The following SPINK8 variants were observed in gnomAD, a reference collection of about 807,000 sequenced individuals.
The protein encoded by SPINK8 is serine protease inhibitor Kazal-type 8.
SPINK8 carries 12 observed loss-of-function variants against 14.4 expected under a neutral mutation model. The observed-to-expected ratio is 0.83, with a 90% CI of 0.53 to 1.35. The LOEUF is 1.35. SPINK8 is among the 40% of genes most tolerant of loss of function. SPINK8 has a pLI of 0.00. For missense variants in SPINK8, 103 were observed against 117.0 expected (o/e 0.88, Z 0.55); for synonymous variants, 32 against 37.6 (o/e 0.85, Z 0.55).
intron 4 of SPINK8, among the ~76,000 whole-genome samples, chr3:48,322,017 C>T (rs776212027): frequency 1.3e-5 from 2 of 152,026 alleles, no homozygotes; most frequent in East Asian, 1.9e-4. Flanking sequence ...GGTCTCACTA[C>T]GTTGTACAGG....
At chr3:48,327,150 G>C (rs2036157547) in intron 4 of SPINK8, among the ~76,000 whole-genome samples, 1 of 152,220 alleles carries the variant, frequency 6.6e-6, no homozygotes, top group Non-Finnish European at 1.5e-5. Context: ...ACTAAGATAA[G>C]ATTTGCACTA....
At chr3:48,313,775 G>A (rs558555293) in intron 6 of SPINK8, among the ~76,000 whole-genome samples, 1 of 152,260 alleles carries the variant, frequency 6.6e-6, no homozygotes, top group South Asian at 2.1e-4. Flanking sequence ...AAACTATTCA[G>A]TAATACAAAA....
chr3:48,331,777 C>A (rs2036266526), intron 2 of SPINK8, among the ~76,000 whole-genome samples: 1 of 152,192 alleles, frequency 6.6e-6, no homozygotes, highest in African/African-American at 2.4e-5. Flanking sequence ...CTAGTGACTG[C>A]CTGTCCTAGG....
chr3:48,310,560 C>T (rs375901438), intron 6 of SPINK8, among the ~76,000 whole-genome samples: 134 of 140,218 alleles, frequency 9.6e-4, no homozygotes, highest in African/African-American at 3.1e-3. Context: ...TGCAGTGGCA[C>T]GATCTCAGCT....
intron 4 of SPINK8, 26 bp downstream of exon 4, chr3:48,328,249 G>A (rs781394355): frequency 1.3e-6 from 2 of 1,587,090 alleles, no homozygotes; most frequent in Non-Finnish European, 1.7e-6. Context: ...CAGAAAATGT[G>A]GGCAGAGCAA....
intron 7 of SPINK8, among the ~76,000 whole-genome samples, chr3:48,307,880 C>A (rs2035870469): frequency 6.7e-6 from 1 of 148,598 alleles, no homozygotes; most frequent in Non-Finnish European, 1.5e-5. Flanking sequence ...ACTACCTATA[C>A]ATAAGAATAA....
At chr3:48,332,075 C>G (rs1184054207) in intron 2 of SPINK8, among the ~76,000 whole-genome samples, 1 of 152,184 alleles carries the variant, frequency 6.6e-6, no homozygotes, top group African/African-American at 2.4e-5. Flanking sequence ...TGGCTTATTT[C>G]TATTCGGACA....
At chr3:48,317,801 C>T (rs1237730493) in intron 6 of SPINK8, among the ~76,000 whole-genome samples, 1 of 152,184 alleles carries the variant, frequency 6.6e-6, no homozygotes, top group Non-Finnish European at 1.5e-5. Flanking sequence ...GGCTAGAGTG[C>T]AGTGGCACGA....
chr3:48,320,130 C>CA lies in SPINK8; in HGVS notation c.118-513dup, dbSNP rs879883714. 6.3e-3 allele frequency among the ~76,000 whole-genome samples: 712 copies of CA among 113,286 alleles called. 4 individuals are homozygous for CA. The highest frequency in any genetic ancestry group is 0.022 in the Middle Eastern group (4 of 184). The allele number at this position is 113,286 out of a possible 152,430, so 74.3% of individuals were successfully genotyped here. On this transcript the variant is annotated intron_variant, in intron 5 of 7. Transcript: ENST00000434006. Reference sequence around the variant, plus strand: ...GGGCGACAGAGCAAGACTCCGTCTCCAAAAAAAAAAAAAGATAAAAATCCC... The same window carrying CA: ...GGGCGACAGAGCAAGACTCCGTCTCCAAAAAAAAAAAAAAGATAAAAATCCC...
rs1469727277 is a variant in SPINK8, at chr3:48,306,883, G to C, written c.*109C>G. ...ATTTATTGAAGACATAAATCAACGA[G>C]TTTGATCCAACCATTAGTAATTAAA... On this transcript the variant is annotated 3_prime_UTR_variant, in exon 8 of 8. Transcript: ENST00000434006. 2 of 1,157,668 alleles carry C rather than the reference G, an allele frequency of 1.7e-6. No individual in the cohort carries two copies. The highest frequency in any genetic ancestry group is 1.5e-5 in the African/African-American group (1 of 65,000). The allele number at this position is 1,157,668 out of a possible 1,614,324, so 71.7% of individuals were successfully genotyped here.
intron 4 of SPINK8, among the ~76,000 whole-genome samples, chr3:48,321,647 C>T (rs1021859587): frequency 3.8e-4 from 58 of 151,746 alleles, no homozygotes; most frequent in Non-Finnish European, 7.9e-4. Context: ...AACCCTGTCT[C>T]TACTAAAAAT....
At chr3:48,331,700 C>G (rs1370713980) in intron 2 of SPINK8, among the ~76,000 whole-genome samples, 2 of 152,124 alleles carry the variant, frequency 1.3e-5, no homozygotes, top group African/African-American at 4.8e-5. Flanking sequence ...GGCTTTCAGG[C>G]ATAATTAGAA....
intron 4 of SPINK8, among the ~76,000 whole-genome samples, chr3:48,323,931 C>CT (rs34730457): frequency 0.24 from 33,156 of 139,058 alleles, 4,355 homozygotes; most frequent in South Asian, 0.34. Context: ...AGTACTTCAA[C>CT]TTTTTTTTTT....
chr3:48,311,506 T>C (rs1472559108), intron 6 of SPINK8, among the ~76,000 whole-genome samples: 1 of 152,114 alleles, frequency 6.6e-6, no homozygotes, highest in African/African-American at 2.4e-5. Flanking sequence ...ATAATTAATA[T>C]AAAAATGACT....
At chr3:48,308,875 C>T (rs1167768124) in intron 7 of SPINK8, among the ~76,000 whole-genome samples, 23 of 152,244 alleles carry the variant, frequency 1.5e-4, no homozygotes, top group Admixed American at 1.1e-3. Context: ...GACTGAGGTA[C>T]GGTCCAGATA....
At chr3:48,315,742 AAAG>A (rs1393445692) in intron 6 of SPINK8, among the ~76,000 whole-genome samples, 3 of 150,514 alleles carry the variant, frequency 2.0e-5, no homozygotes, top group Admixed American at 1.3e-4. Context: ...AAAAAAAAAA[AAAG>A]AACTGAAGGA....
At position 48,319,974 on chromosome 3, in the gene SPINK8, C is replaced by T. The variant is rs560494062; in HGVS notation, c.118-356G>A. 4.6e-5 allele frequency among the ~76,000 whole-genome samples: 7 copies of T among 150,976 alleles called. No individual in the cohort carries two copies. In the South Asian group the frequency reaches 1.5e-3, roughly 32 times the overall value. ...GTAAACCCCATCTCTACTAAAAATA[C>T]AAAAAATTAGCCGGGCGTGGTGGTG... is the stretch of plus-strand genomic sequence containing the variant. On this transcript the variant is annotated intron_variant, in intron 5 of 7. Transcript: ENST00000434006.
intron 4 of SPINK8, among the ~76,000 whole-genome samples, chr3:48,326,336 G>A (rs917079063): frequency 2.6e-5 from 4 of 152,268 alleles, no homozygotes; most frequent in South Asian, 4.1e-4. Flanking sequence ...GGCCGGGCGC[G>A]GTGGCTCACG....
intron 6 of SPINK8, among the ~76,000 whole-genome samples, chr3:48,312,171 G>T (rs1416926897): frequency 6.6e-6 from 1 of 151,722 alleles, no homozygotes; most frequent in Non-Finnish European, 1.5e-5. Context: ...AGTGGTACTG[G>T]TACTGGTATT....
Sources: allele counts gnomAD v4.1 joint callset (sites outside exome capture counted in the v4.1 genomes callset), GRCh38; gene constraint gnomAD v4.1.1; transcripts MANE v1.5; gene names NCBI Gene and HGNC (gene_info 2026-07-23, HGNC 2026-07-21).